Variants in NUP58 observed in about 807,000 individuals in gnomAD.
The protein encoded by NUP58 is nucleoporin 58.
Under a neutral mutation model 70.1 loss-of-function variants are expected in NUP58, and 17 were observed. That is an observed-to-expected ratio of 0.24 (90% CI 0.17 to 0.36). NUP58 has a LOEUF of 0.36. Among genes scored for constraint, NUP58 ranks in the 10% least tolerant of loss-of-function variants. The probability of loss-of-function intolerance (pLI) is 1.00; values close to 1 mark genes in which losing one functional copy is unlikely to be tolerated. For synonymous variants in NUP58, 275 were observed against 257.6 expected (o/e 1.07, Z -0.65); for missense variants, 644 against 701.5 (o/e 0.92, Z 0.93).
chr13:25,333,895 T>C (rs2031695410), intron 13 of NUP58: 4 of 985,290 alleles, frequency 4.1e-6, no homozygotes, highest in Non-Finnish European at 1.2e-6. Context: ...AGAAGGGTTT[T>C]GCTTTTATTT....
In NUP58 at chr13:25,327,070, T is replaced by C. The variant is rs1364309080; in HGVS notation, c.1150+36T>C. 4.9e-6 allele frequency: 6 copies of C among 1,233,258 alleles called. No homozygotes were observed. The Admixed American group carries it at 5.6e-5, about 12-fold the overall frequency. The allele number at this position is 1,233,258 out of a possible 1,614,324, so 76.4% of individuals were successfully genotyped here. A position where few individuals can be genotyped will look rare whatever the true frequency, so the allele number is the denominator to read the frequency against. On this transcript the variant is annotated intron_variant, in intron 11 of 15. Coordinates refer to ENST00000381736, the MANE Select transcript of NUP58 (RefSeq NM_014089.4). ...TACTGTGGTAATTTTTTTTGAACTT[T>C]TGTTTGTAGGAGATAGATGTGGTTA...
intron 6 of NUP58, among the ~76,000 whole-genome samples, chr13:25,318,902 T>TA (rs1225240291): frequency 1.3e-5 from 2 of 152,198 alleles, no homozygotes; most frequent in Non-Finnish European, 1.5e-5. Flanking sequence ...TATCAGGAGT[T>TA]AAACTGGTAG....
At chr13:25,308,877 G>A (rs1430112472) in intron 2 of NUP58, among the ~76,000 whole-genome samples, 2 of 152,150 alleles carry the variant, frequency 1.3e-5, no homozygotes, top group Non-Finnish European at 2.9e-5. Flanking sequence ...ACATTTCACA[G>A]CCACATCTAG....
chr13:25,310,077 CTG>C (rs1310353210), intron 3 of NUP58: 1 of 352,716 alleles, frequency 2.8e-6, no homozygotes, highest in African/African-American at 2.2e-5. Context: ...GGTTCTTCCT[CTG>C]TTGCCCAGGC....
downstream of NUP58, among the ~76,000 whole-genome samples, chr13:25,343,063 T>G (rs1408946551): frequency 6.6e-6 from 1 of 152,084 alleles, no homozygotes; most frequent in African/African-American, 2.4e-5. Flanking sequence ...CAGGTGGTAT[T>G]TGGTTGCATG....
rs1217332166 is a variant in NUP58, at chr13:25,340,188, C to CT, written c.*55dup. 1.1e-5 allele frequency: 15 copies of CT among 1,389,460 alleles called. No homozygotes were observed. The African/African-American group carries it at 1.3e-4, about 12-fold the overall frequency. 86.1% of individuals were successfully genotyped at this position (1,389,460 alleles called of 1,614,324 possible). A position where few individuals can be genotyped will look rare whatever the true frequency, so the allele number is the denominator to read the frequency against. ...TAGCAGCACCGTTCATTCTATGAGTCTATTTTTCTAATGATGCAGTAATTA... is the reference window on the plus strand; with the variant it reads ...TAGCAGCACCGTTCATTCTATGAGTCTTATTTTTCTAATGATGCAGTAATTA... On this transcript the variant is annotated 3_prime_UTR_variant, in exon 16 of 16. Coordinates refer to ENST00000381736, the MANE Select transcript of NUP58 (RefSeq NM_014089.4).
chr13:25,327,616 C>T (rs2031446299), intron 12 of NUP58, 104 bp downstream of exon 12: 1 of 600,952 alleles, frequency 1.7e-6, no homozygotes, highest in Non-Finnish European at 2.9e-6. Context: ...GCTAAAATTA[C>T]ATATAAGTGA....
intron 7 of NUP58, 65 bp from the exon 8 acceptor site, chr13:25,320,465 T>C: frequency 8.7e-7 from 1 of 1,148,642 alleles, no homozygotes; most frequent in South Asian, 1.3e-5. Flanking sequence ...AATACTCTAT[T>C]AAAACTCAGC....
chr13:25,321,137 TG>T, intron 9 of NUP58, 44 bp downstream of exon 9: 20 of 1,508,378 alleles, frequency 1.3e-5, no homozygotes, highest in Non-Finnish European at 1.8e-5. Flanking sequence ...TTTTTTGTTT[TG>T]TTTTTTCCAA....
chr13:25,303,751 T>A (rs540749802), intron 1 of NUP58, among the ~76,000 whole-genome samples: 1 of 152,318 alleles, frequency 6.6e-6, no homozygotes, highest in African/African-American at 2.4e-5. Flanking sequence ...AATACCTATG[T>A]CTCTCACTGA....
intron 5 of NUP58, among the ~76,000 whole-genome samples, 190 bp from the exon 6 acceptor site, chr13:25,315,167 A>G (rs1359337700): frequency 6.6e-6 from 1 of 152,234 alleles, no homozygotes; most frequent in African/African-American, 2.4e-5. Flanking sequence ...CAAACTGCAT[A>G]TGCCATCGAA....
chr13:25,344,739 T>C (rs1208184953), downstream of NUP58, among the ~76,000 whole-genome samples: 1 of 152,246 alleles, frequency 6.6e-6, no homozygotes, highest in African/African-American at 2.4e-5. Context: ...TATTAGATTC[T>C]TGTTTGATTA....
chr13:25,307,830 T>C lies in NUP58; in HGVS notation c.132T>C (p.Phe44=). The C allele has an allele frequency of 6.2e-7, 1 of 1,614,200 alleles. No homozygotes were observed. The highest frequency in any genetic ancestry group is 8.5e-7 in the Non-Finnish European group (1 of 1,180,016). Residue 44 remains phenylalanine (F), a synonymous_variant, in exon 2 of 16, where the codon TTT becomes TTC. Transcript: ENST00000381736. Reference sequence around the variant, plus strand: ...GCAACCCTTCTGTGGGGCTCAATTTTGGAAATCTTGGAAGTACTTCAACTC... The same window carrying C: ...GCAACCCTTCTGTGGGGCTCAATTTCGGAAATCTTGGAAGTACTTCAACTC... ...ASSNPSVGLN[F]GNLGSTSTPA... is the part of the protein sequence containing the mutation.
In NUP58 at chr13:25,320,883, C is replaced by T. The variant is rs376200312; in HGVS notation, c.777-36C>T. ...TATTTTGTGTAGGAAACCAAAGATACATTTTTTAAAACTCAGTTTTAAATA... is the reference window on the plus strand; with the variant it reads ...TATTTTGTGTAGGAAACCAAAGATATATTTTTTAAAACTCAGTTTTAAATA... On this transcript the variant is annotated intron_variant, in intron 8 of 15. Transcript: ENST00000381736. 3.0e-4 allele frequency: 404 copies of T among 1,338,344 alleles called. 2 individuals are homozygous for T. The highest frequency in any genetic ancestry group is 5.2e-4 in the Middle Eastern group (2 of 3,882). 82.9% of individuals were successfully genotyped at this position (1,338,344 alleles called of 1,614,324 possible). A position where few individuals can be genotyped will look rare whatever the true frequency, so the allele number is the denominator to read the frequency against.
At chr13:25,321,685 G>A (rs2137776880) in intron 9 of NUP58, among the ~76,000 whole-genome samples, 1 of 152,254 alleles carries the variant, frequency 6.6e-6, no homozygotes, top group African/African-American at 2.4e-5. Flanking sequence ...TGGAAGCCAG[G>A]GCAGGTAAAT....
At chr13:25,317,118 A>G (rs2030967457) in intron 6 of NUP58, among the ~76,000 whole-genome samples, 1 of 152,108 alleles carries the variant, frequency 6.6e-6, no homozygotes, top group Non-Finnish European at 1.5e-5. Flanking sequence ...GGATTTAACC[A>G]GATAGAGAGT....
intron 2 of NUP58, 90 bp from the exon 3 acceptor site, chr13:25,309,157 G>T: frequency 1.1e-6 from 1 of 920,168 alleles, no homozygotes; most frequent in South Asian, 1.4e-5. Context: ...ACTCCCTGAG[G>T]GTGATTTTAA....
At chr13:25,321,872 G>A (rs2031201034) in intron 9 of NUP58, among the ~76,000 whole-genome samples, 1 of 152,070 alleles carries the variant, frequency 6.6e-6, no homozygotes, top group African/African-American at 2.4e-5. Flanking sequence ...AGCCAAGATT[G>A]CACCATTGTA....
intron 12 of NUP58, among the ~76,000 whole-genome samples, chr13:25,327,976 G>T (rs944026808): frequency 1.3e-5 from 2 of 151,994 alleles, no homozygotes; most frequent in East Asian, 3.9e-4. Context: ...CGAGGCGGGC[G>T]AATCACAAAG....
Sources: allele counts gnomAD v4.1 joint callset (sites outside exome capture counted in the v4.1 genomes callset), GRCh38; gene constraint gnomAD v4.1.1; transcripts MANE v1.5; gene names NCBI Gene and HGNC (gene_info 2026-07-23, HGNC 2026-07-21).